RNGTT: variants seen among roughly 807,000 people sequenced by gnomAD.
The protein encoded by RNGTT is RNA guanylyltransferase and 5'-phosphatase.
RNGTT carries 33 observed loss-of-function variants against 79.3 expected under a neutral mutation model. The ratio of observed to expected loss-of-function variants is 0.42; its 90% CI spans 0.32 to 0.56. The LOEUF (loss-of-function observed/expected upper bound fraction) is 0.56, where lower values mean the gene tolerates loss of function less well. Ranked by LOEUF, RNGTT falls within the 20% of genes least tolerant of loss-of-function variation. The pLI is 0.17. For synonymous variants in RNGTT, 222 were observed against 235.9 expected (o/e 0.94, Z 0.54); for missense variants, 497 against 739.1 (o/e 0.67, Z 3.80).
intron 8 of RNGTT, among the ~76,000 whole-genome samples, chr6:88,859,878 T>A (rs1781954949): frequency 6.6e-6 from 1 of 152,010 alleles, no homozygotes; most frequent in African/African-American, 2.4e-5. Flanking sequence ...GGCAAGGGAG[T>A]CTGGGAAATG....
intron 13 of RNGTT, among the ~76,000 whole-genome samples, chr6:88,682,569 AT>A (rs564415330): frequency 1.3e-5 from 2 of 151,980 alleles, no homozygotes; most frequent in Non-Finnish European, 2.9e-5. Flanking sequence ...CATAAAGCAC[AT>A]TTTTTTTCCT....
intron 13 of RNGTT, among the ~76,000 whole-genome samples, chr6:88,716,898 C>T (rs1237080784): frequency 6.6e-6 from 1 of 152,090 alleles, no homozygotes; most frequent in Non-Finnish European, 1.5e-5. Flanking sequence ...AGCACACCAA[C>T]TTGGCACATG....
At chr6:88,800,350 A>G (rs1044278207) in intron 12 of RNGTT, among the ~76,000 whole-genome samples, 1 of 152,188 alleles carries the variant, frequency 6.6e-6, no homozygotes. Flanking sequence ...TGGTGCTCAA[A>G]ACATTATAAA....
intron 14 of RNGTT, among the ~76,000 whole-genome samples, chr6:88,653,839 A>G (rs1277025610): frequency 1.3e-5 from 2 of 152,228 alleles, no homozygotes; most frequent in Admixed American, 1.3e-4. Context: ...CTGAGGATAC[A>G]GAAGTGGACA....
chr6:88,908,035 G>A (rs1054582574), intron 4 of RNGTT, among the ~76,000 whole-genome samples: 1 of 152,072 alleles, frequency 6.6e-6, no homozygotes, highest in Non-Finnish European at 1.5e-5. Context: ...TGCCCAGCCT[G>A]TATCTTTCTA....
rs1264890178 is a variant in RNGTT, at chr6:88,799,557, G to A, written c.1338+2007C>T. ...CTACTAAAAATACAAAAAATTAGCC[G>A]GGCATGGTGGTGCGCACCTGCAATC... On this transcript the variant is annotated intron_variant, in intron 12 of 15. Coordinates refer to ENST00000369485, the MANE Select transcript of RNGTT (RefSeq NM_003800.5). Among the ~76,000 whole-genome samples the A allele has an allele frequency of 1.3e-4, 20 of 151,844 alleles. No individual in the cohort carries two copies. In the East Asian group the frequency reaches 1.6e-3, roughly 12 times the overall value.
intron 11 of RNGTT, among the ~76,000 whole-genome samples, chr6:88,829,639 T>C (rs532394754): frequency 4.7e-5 from 7 of 149,700 alleles, no homozygotes; most frequent in Non-Finnish European, 7.4e-5. Flanking sequence ...CCAGCTCCTA[T>C]GTGTGTGCAA....
chr6:88,786,931 G>A (rs1779246704), intron 12 of RNGTT, among the ~76,000 whole-genome samples: 1 of 152,104 alleles, frequency 6.6e-6, no homozygotes, highest in Admixed American at 6.5e-5. Flanking sequence ...AAGAGACCCA[G>A]GAAAGCTCCC....
intron 13 of RNGTT, among the ~76,000 whole-genome samples, chr6:88,713,025 T>C (rs971616445): frequency 1.3e-5 from 2 of 152,168 alleles, no homozygotes; most frequent in Admixed American, 1.3e-4. Context: ...CCCCAACATA[T>C]AACAAACTAC....
chr6:88,701,849 T>C (rs1249925687), intron 13 of RNGTT, among the ~76,000 whole-genome samples: 1 of 90,142 alleles, frequency 1.1e-5, no homozygotes, highest in Non-Finnish European at 1.9e-5. Context: ...TTAATAAGTT[T>C]GGGCTTCAGT....
chr6:88,762,231 T>C (rs1437244360), intron 13 of RNGTT, among the ~76,000 whole-genome samples: 1 of 152,240 alleles, frequency 6.6e-6, no homozygotes, highest in Non-Finnish European at 1.5e-5. Context: ...GGAAGAGAAA[T>C]ACTTGGAAAA....
chr6:88,661,221 G>A (rs1774170338), intron 14 of RNGTT, among the ~76,000 whole-genome samples: 1 of 152,098 alleles, frequency 6.6e-6, no homozygotes, highest in Non-Finnish European at 1.5e-5. Context: ...AAGTCTGAAA[G>A]AGCACAAACA....
chr6:88,949,184 T>TAAAAAAAAAAA (rs1785157793), intron 1 of RNGTT, among the ~76,000 whole-genome samples: 1 of 51,846 alleles, frequency 1.9e-5, no homozygotes. Context: ...AAAAAGAAAA[T>TAAAAAAAAAAA]GAAAAGCTCT....
At chr6:88,687,984 G>C (rs993974606) in intron 13 of RNGTT, among the ~76,000 whole-genome samples, 1 of 152,106 alleles carries the variant, frequency 6.6e-6, no homozygotes, top group Non-Finnish European at 1.5e-5. Flanking sequence ...ACCTAAAAAG[G>C]AATGAAAATA....
chr6:88,647,651 G>T (rs933550662), intron 14 of RNGTT, among the ~76,000 whole-genome samples: 30 of 146,246 alleles, frequency 2.1e-4, no homozygotes, highest in Non-Finnish European at 1.8e-4. Context: ...GTTTGAGGCT[G>T]CAGTGATTGT....
At chr6:88,817,206 A>T (rs556328221) in intron 11 of RNGTT, among the ~76,000 whole-genome samples, 2 of 152,310 alleles carry the variant, frequency 1.3e-5, no homozygotes, top group South Asian at 4.1e-4. Flanking sequence ...GCAAAAAGGA[A>T]TATGCAAGGT....
At chr6:88,713,260 T>A (rs1776380665) in intron 13 of RNGTT, among the ~76,000 whole-genome samples, 1 of 149,612 alleles carries the variant, frequency 6.7e-6, no homozygotes, top group Admixed American at 6.7e-5. Context: ...ACAAGAAGGC[T>A]GCCATATGGA....
chr6:88,954,903 C>A (rs910561236), intron 1 of RNGTT, among the ~76,000 whole-genome samples: 3 of 151,566 alleles, frequency 2.0e-5, no homozygotes, highest in Admixed American at 1.3e-4. Flanking sequence ...ATTAGCCAGC[C>A]ATGTACTAAA....
intron 1 of RNGTT, among the ~76,000 whole-genome samples, chr6:88,944,583 A>C (rs1397116451): frequency 3.3e-5 from 5 of 151,232 alleles, no homozygotes; most frequent in Non-Finnish European, 7.4e-5. Flanking sequence ...AGCATCTCAG[A>C]CATCTGCTGG....
Sources: allele counts gnomAD v4.1 joint callset (sites outside exome capture counted in the v4.1 genomes callset), GRCh38; gene constraint gnomAD v4.1.1; transcripts MANE v1.5; gene names NCBI Gene and HGNC (gene_info 2026-07-23, HGNC 2026-07-21).